MAP2: variants seen among roughly 807,000 people sequenced by gnomAD.
MAP2 encodes the protein microtubule associated protein 2.
A neutral mutation model predicts 137.6 loss-of-function variants in MAP2; 14 were observed. The observed-to-expected ratio is 0.10, with a 90% confidence interval of 0.07 to 0.16. MAP2 has a LOEUF of 0.16. MAP2 is among the 10% of genes least tolerant of loss of function. MAP2 has a pLI of 1.00. For missense variants in MAP2, 2,088 were observed against 2,191.5 expected, an observed-to-expected ratio of 0.95 and a Z score of 0.94; for synonymous variants, 786 against 782.3, an observed-to-expected ratio of 1.00 and a Z score of -0.08.
At chr2:209,504,115 A>G (rs1478646173) in intron 1 of MAP2, among the ~76,000 whole-genome samples, 1 of 145,290 alleles carries the variant, frequency 6.9e-6, no homozygotes, top group Admixed American at 6.9e-5. Flanking sequence ...AAAAAAAAAG[A>G]GAGAGACTAA....
intron 2 of MAP2, among the ~76,000 whole-genome samples, chr2:209,522,470 C>T (rs756754974): frequency 2.0e-5 from 3 of 152,028 alleles, no homozygotes; most frequent in Non-Finnish European, 2.9e-5. Flanking sequence ...AATATTGCCC[C>T]TTCTTATATG....
intron 5 of MAP2, chr2:209,661,398 A>G (rs769250267): frequency 1.4e-5 from 6 of 433,526 alleles, no homozygotes; most frequent in Non-Finnish European, 1.8e-5. Context: ...GAGAGGTTGC[A>G]GATTTTCCTT....
chr2:209,612,188 A>G (rs902600830), intron 3 of MAP2, among the ~76,000 whole-genome samples: 1 of 152,138 alleles, frequency 6.6e-6, no homozygotes, highest in African/African-American at 2.4e-5. Flanking sequence ...TCTGAAATCA[A>G]CTCTATTTTA....
At chr2:209,713,576 A>C (rs2066297192) in intron 13 of MAP2, among the ~76,000 whole-genome samples, 1 of 152,216 alleles carries the variant, frequency 6.6e-6, no homozygotes, top group African/African-American at 2.4e-5. Context: ...CATAGGGAAG[A>C]CTATCTTATT....
intron 3 of MAP2, among the ~76,000 whole-genome samples, chr2:209,588,313 T>TTTTTTG (rs1321767119): frequency 1.3e-5 from 2 of 151,036 alleles, no homozygotes; most frequent in African/African-American, 2.4e-5. Context: ...GTAAGTTTTG[T>TTTTTTG]TTTTTGTTTT....
intron 1 of MAP2, among the ~76,000 whole-genome samples, chr2:209,491,509 G>T (rs990142316): frequency 6.6e-6 from 1 of 152,144 alleles, no homozygotes; most frequent in Non-Finnish European, 1.5e-5. Context: ...GAATCCAGGA[G>T]CTAGTTTGTT....
intron 3 of MAP2, among the ~76,000 whole-genome samples, chr2:209,593,634 A>AAAAAAAAAAATATATAT (rs1286103137): frequency 8.9e-5 from 3 of 33,644 alleles, no homozygotes; most frequent in African/African-American, 1.3e-4. Context: ...AAAAAAAAAA[A>AAAAAAAAAAATATATAT]ATATATATAT....
At chr2:209,717,395 A>G (rs192281835) in intron 13 of MAP2, among the ~76,000 whole-genome samples, 108 of 152,252 alleles carry the variant, frequency 7.1e-4, no homozygotes, top group African/African-American at 2.3e-3. Context: ...CCATGTTCCA[A>G]TCTCCTCCCA....
intron 4 of MAP2, among the ~76,000 whole-genome samples, chr2:209,631,746 T>C (rs2093077146): frequency 6.6e-6 from 1 of 152,158 alleles, no homozygotes; most frequent in Admixed American, 6.6e-5. Context: ...CAAAGATCTT[T>C]CTATTTACTC....
chr2:209,557,219 A>G (rs2070892691), intron 2 of MAP2, among the ~76,000 whole-genome samples: 1 of 152,202 alleles, frequency 6.6e-6, no homozygotes, highest in South Asian at 2.1e-4. Flanking sequence ...TAATTCTGAG[A>G]CCAGACAACA....
At chr2:209,502,038 T>C (rs1268684141) in intron 1 of MAP2, among the ~76,000 whole-genome samples, 1 of 152,182 alleles carries the variant, frequency 6.6e-6, no homozygotes, top group Non-Finnish European at 1.5e-5. Context: ...ACACAGTGAA[T>C]TGATTACTAG....
intron 7 of MAP2, among the ~76,000 whole-genome samples, chr2:209,691,067 C>A (rs1226978778): frequency 6.6e-6 from 1 of 152,206 alleles, no homozygotes; most frequent in East Asian, 1.9e-4. Context: ...TTTTCCTTTG[C>A]CATGATACAA....
At chr2:209,567,017 A>G (rs555767326) in intron 2 of MAP2, among the ~76,000 whole-genome samples, 108 of 152,314 alleles carry the variant, frequency 7.1e-4, no homozygotes, top group African/African-American at 2.5e-3. Context: ...GCGTATAAGC[A>G]TTACAGTAGA....
At chr2:209,560,232 T>G (rs2071688269) in intron 2 of MAP2, among the ~76,000 whole-genome samples, 2 of 152,232 alleles carry the variant, frequency 1.3e-5, no homozygotes, top group South Asian at 4.1e-4. Context: ...GGAAAGCATA[T>G]TTTATTTTGT....
At chr2:209,648,868 G>C (rs1258222381) in intron 4 of MAP2, among the ~76,000 whole-genome samples, 1 of 151,894 alleles carries the variant, frequency 6.6e-6, no homozygotes, top group Non-Finnish European at 1.5e-5. Context: ...TTGTGTGGCA[G>C]ATGCTCAGCT....
chr2:209,468,246 C>T (rs1041421312), intron 1 of MAP2, among the ~76,000 whole-genome samples: 15 of 151,132 alleles, frequency 9.9e-5, no homozygotes, highest in African/African-American at 3.7e-4. Context: ...TTTCACATCT[C>T]TCCTAGTAGG....
intron 1 of MAP2, among the ~76,000 whole-genome samples, chr2:209,491,996 A>G (rs1234211021): frequency 6.6e-6 from 1 of 152,216 alleles, no homozygotes; most frequent in Non-Finnish European, 1.5e-5. Flanking sequence ...CAACTAAACA[A>G]GAACATTTCA....
chr2:209,510,090 C>A (rs1403313533), intron 2 of MAP2, among the ~76,000 whole-genome samples: 1 of 149,280 alleles, frequency 6.7e-6, no homozygotes, highest in Non-Finnish European at 1.5e-5. Context: ...GGCATTGATT[C>A]TCAGCAACAT....
chr2:209,726,476 A>G (rs563155673), intron 14 of MAP2, among the ~76,000 whole-genome samples: 64 of 152,282 alleles, frequency 4.2e-4, no homozygotes, highest in Non-Finnish European at 7.3e-4. Context: ...CTACCTCCAT[A>G]GAGTGGGCAT....
Sources: allele counts gnomAD v4.1 joint callset (sites outside exome capture counted in the v4.1 genomes callset), GRCh38; gene constraint gnomAD v4.1.1; transcripts MANE v1.5; gene names NCBI Gene and HGNC (gene_info 2026-07-23, HGNC 2026-07-21).